JAKMIP1: variants seen among roughly 807,000 people sequenced by gnomAD.
The protein encoded by JAKMIP1 is janus kinase and microtubule-interacting protein 1.
In JAKMIP1, 33 loss-of-function variants were observed where a neutral mutation model predicts 113.0. The ratio of observed to expected loss-of-function variants is 0.29; its 90% CI spans 0.22 to 0.39. The LOEUF (loss-of-function observed/expected upper bound fraction) is 0.39. Ranked by LOEUF, JAKMIP1 falls within the 10% of genes least tolerant of loss-of-function variation. The probability of loss-of-function intolerance (pLI) is 1.00; values close to 1 mark genes in which losing one functional copy is unlikely to be tolerated. For synonymous variants in JAKMIP1, 480 were observed against 459.9 expected (o/e 1.04, Z -0.56); for missense variants, 813 against 1,080.5 (o/e 0.75, Z 3.47).
chr4:6,060,909 G>A (rs959957057), intron 10 of JAKMIP1, among the ~76,000 whole-genome samples: 3 of 152,190 alleles, frequency 2.0e-5, no homozygotes, highest in Non-Finnish European at 2.9e-5. Context: ...ACTTCAACAC[G>A]CTGGCACAAT....
rs557580343 is a variant in JAKMIP1 at position 6,061,159 on chromosome 4, G to C, written c.1561-652C>G. On this transcript the variant is annotated intron_variant, in intron 10 of 20. Transcript: ENST00000409021. The surrounding 1 kb of genome is among the most constrained non-coding windows in gnomAD (Gnocchi z 5.3). ...CCAGATGTTCTGACCTTTCAAGAGA[G>C]GTCAGGAACCTGGATTTCTCTATAG... is the stretch of plus-strand genomic sequence containing the variant. 6.6e-6 allele frequency among the ~76,000 whole-genome samples: 1 copy of C among 152,184 alleles called. No homozygotes were observed. Among genetic ancestry groups the C allele is most frequent in the African/African-American group, 2.4e-5 (1 of 41,454 alleles).
chr4:6,063,972 C>A (rs114390525), intron 9 of JAKMIP1, among the ~76,000 whole-genome samples: 1 of 152,218 alleles, frequency 6.6e-6, no homozygotes, highest in Admixed American at 6.5e-5. Flanking sequence ...CTGCCCCTGC[C>A]GGAGGGCACT....
At position 6,062,460 on chromosome 4, in the gene JAKMIP1, AAAC is replaced by A. The variant is rs1560127147; in HGVS notation, c.1432-23_1432-21del. 1 of 1,599,318 alleles carries A rather than the reference AAAC, an allele frequency of 6.3e-7. No homozygotes were observed. Among genetic ancestry groups the A allele is most frequent in the East Asian group, 2.2e-5 (1 of 44,532 alleles). ...TGTGGCCTTCACATAATGGAGAAGAAAACAAATAATCAAGTGCAAAATTACAAT... is the reference window on the plus strand; with the variant it reads ...TGTGGCCTTCACATAATGGAGAAGAAAAATAATCAAGTGCAAAATTACAAT... On this transcript the variant is annotated intron_variant, in intron 9 of 20. Transcript: ENST00000409021.
At chr4:6,087,768 G>T (rs1242636012) in intron 3 of JAKMIP1, among the ~76,000 whole-genome samples, 1 of 152,178 alleles carries the variant, frequency 6.6e-6, no homozygotes, top group African/African-American at 2.4e-5. Context: ...GCTCTCTGAG[G>T]CACCTTTCTT....
At chr4:6,130,308 T>C (rs953186545) in intron 1 of JAKMIP1, among the ~76,000 whole-genome samples, 2 of 152,226 alleles carry the variant, frequency 1.3e-5, no homozygotes, top group Non-Finnish European at 2.9e-5. Flanking sequence ...ATAAGGCAAG[T>C]TAAACAGAAT....
chr4:6,054,260 C>T lies in JAKMIP1; in HGVS notation c.1708-112G>A, dbSNP rs1056766466. The T allele has an allele frequency of 3.0e-5, 31 of 1,041,656 alleles. No individual in the cohort carries two copies. The East Asian group carries it at 6.9e-4, about 23-fold the overall frequency. The allele number at this position is 1,041,656 out of a possible 1,614,324, so 64.5% of individuals were successfully genotyped here. A position where few individuals can be genotyped will look rare whatever the true frequency, so the allele number is the denominator to read the frequency against. On this transcript the variant is annotated intron_variant, in intron 12 of 20. Transcript: ENST00000409021. ...GGAAACAGACGACTGGCCACGGAGG[C>T]AAGGGGCAGGAGAGGGCAGGGTTTG...
chr4:6,073,785 G>T (rs890902986), intron 8 of JAKMIP1, among the ~76,000 whole-genome samples: 1 of 152,180 alleles, frequency 6.6e-6, no homozygotes, highest in African/African-American at 2.4e-5. Context: ...CTCCCATACT[G>T]CTTGGGGCTA....
chr4:6,109,932 G>A lies in JAKMIP1; in HGVS notation c.129+2790C>T, dbSNP rs118067803. Among the ~76,000 whole-genome samples, 19 of 152,170 alleles carry A rather than the reference G, an allele frequency of 1.2e-4. No homozygotes were observed. In the East Asian group the frequency reaches 1.9e-3, roughly 16 times the overall value. Reference sequence around the variant, plus strand: ...CAGATGGGTAAAGTCAACCTGAAGCGGCCACATGGATGGCTGGATTGAGAA... The same window carrying A: ...CAGATGGGTAAAGTCAACCTGAAGCAGCCACATGGATGGCTGGATTGAGAA... On this transcript the variant is annotated intron_variant, in intron 2 of 20. Coordinates refer to ENST00000409021, the MANE Select transcript of JAKMIP1 (RefSeq NM_001099433.2).
In JAKMIP1 at chr4:6,090,189, T is replaced by C. The variant is rs530638376; in HGVS notation, c.625-4560A>G. ...GTGAGCCGAGGTCACGCCACTGCAC[T>C]CCAGCCTGGGTGACAGAGTGAGAGT... On this transcript the variant is annotated intron_variant, in intron 3 of 20. Transcript: ENST00000409021. Among the ~76,000 whole-genome samples, 147 of 151,224 alleles carry C rather than the reference T, an allele frequency of 9.7e-4. 1 individual carries two copies. Among genetic ancestry groups the C allele is most frequent in the African/African-American group, 3.3e-3 (136 of 41,070 alleles).
At chr4:6,171,743 G>A (rs1453209979) in intron 1 of JAKMIP1, among the ~76,000 whole-genome samples, 2 of 152,310 alleles carry the variant, frequency 1.3e-5, no homozygotes, top group East Asian at 3.9e-4. Flanking sequence ...GTAGGACTGT[G>A]CTTCTCTCAT....
chr4:6,068,091 C>T (rs567624859), intron 8 of JAKMIP1, among the ~76,000 whole-genome samples: 33 of 152,296 alleles, frequency 2.2e-4, no homozygotes, highest in African/African-American at 7.5e-4. Flanking sequence ...TTACCTAGGA[C>T]GATCCACTGT....
chr4:6,085,579 T>C lies in JAKMIP1; in HGVS notation c.675A>G (p.Glu225=), dbSNP rs200494521. ...GGGTCTGCCCAGCCTGCACGCCAAG[T>C]TCCTTCTCCAAGGCCAGAATCACAC... ...KDRVILALEK[E]LGVQAGQTQK... Residue 225 remains glutamate (E), a synonymous_variant, in exon 4 of 21, where the codon GAA becomes GAG. Transcript: ENST00000409021. 1,128 of 1,614,222 alleles carry C rather than the reference T, an allele frequency of 7.0e-4. 11 individuals are homozygous for C. In the South Asian group the frequency reaches 0.012, roughly 17 times the overall value.
In JAKMIP1 at chr4:6,050,153, C is replaced by T. The variant is rs958549546; in HGVS notation, c.1909-281G>A. 3.7e-4 allele frequency among the ~76,000 whole-genome samples: 56 copies of T among 152,150 alleles called. No individual in the cohort carries two copies. The highest frequency in any genetic ancestry group is 1.3e-3 in the African/African-American group (55 of 41,418). The stretch of plus-strand genomic sequence containing the variant: ...TGGAGCTGAGCAGGGCTCTAGGACA[C>T]GGTAAACCCCGGGCCCTTCTAGCAA... On this transcript the variant is annotated intron_variant, in intron 14 of 20. Coordinates refer to ENST00000409021, the MANE Select transcript of JAKMIP1 (RefSeq NM_001099433.2). This position sits in a 1 kb window ranked among gnomAD's most constrained non-coding sequence, Gnocchi z 7.4.
intron 5 of JAKMIP1, among the ~76,000 whole-genome samples, chr4:6,083,048 A>T (rs1479903073): frequency 6.6e-6 from 1 of 152,184 alleles, no homozygotes; most frequent in African/African-American, 2.4e-5. Context: ...GTTTTAAGGT[A>T]TTTATTTAAA....
At position 6,185,389 on chromosome 4, in the gene JAKMIP1, T is replaced by G. The variant is rs1726532936; in HGVS notation, c.-148+14864A>C. Among the ~76,000 whole-genome samples the G allele has an allele frequency of 6.6e-6, 1 of 152,180 alleles. No individual in the cohort carries two copies. Among genetic ancestry groups the G allele is most frequent in the Non-Finnish European group, 1.5e-5 (1 of 68,044 alleles). On this transcript the variant is annotated intron_variant, in intron 1 of 20. Coordinates refer to ENST00000409021, the MANE Select transcript of JAKMIP1 (RefSeq NM_001099433.2). This position sits in a 1 kb window ranked among gnomAD's most constrained non-coding sequence, Gnocchi z 5.3. ...GGGGCCGGGCACGGTGGCTCACGCC[T>G]GTAATCCCAGCACTTTGGGAGGCCG...
rs117839020 is a variant in JAKMIP1, at chr4:6,075,026, T to C, written c.1302+3913A>G. 1.7e-4 allele frequency among the ~76,000 whole-genome samples: 26 copies of C among 152,302 alleles called. 1 individual carries two copies. In the East Asian group the frequency reaches 5.0e-3, roughly 29 times the overall value. Reference sequence around the variant, plus strand: ...CATTTCTCAGAATGTGTCCCTGTTGTTAAGGAATGCATGACTCTAGTTTTA... The same window carrying C: ...CATTTCTCAGAATGTGTCCCTGTTGCTAAGGAATGCATGACTCTAGTTTTA... On this transcript the variant is annotated intron_variant, in intron 8 of 20. Transcript: ENST00000409021.
At chr4:6,102,885 C>T (rs1340319610) in intron 3 of JAKMIP1, among the ~76,000 whole-genome samples, 1 of 151,810 alleles carries the variant, frequency 6.6e-6, no homozygotes, top group African/African-American at 2.4e-5. Flanking sequence ...AGGCGCCCAC[C>T]ACTGCACCCC....
In JAKMIP1 at chr4:6,063,710, T is replaced by C. The variant is rs185189778; in HGVS notation, c.1431+1170A>G. Among the ~76,000 whole-genome samples, 43 of 152,308 alleles carry C rather than the reference T, an allele frequency of 2.8e-4. 1 individual carries two copies. The highest frequency in any genetic ancestry group is 9.9e-4 in the African/African-American group (41 of 41,570). On this transcript the variant is annotated intron_variant, in intron 9 of 20. Coordinates refer to ENST00000409021, the MANE Select transcript of JAKMIP1 (RefSeq NM_001099433.2). The stretch of plus-strand genomic sequence containing the variant: ...CTATAGCATGTGCCACATTTTCCTA[T>C]GGCAAATAGACCCATGGGAGGAAAC...
At chr4:6,166,761 C>G (rs1189393249) in intron 1 of JAKMIP1, among the ~76,000 whole-genome samples, 1 of 152,196 alleles carries the variant, frequency 6.6e-6, no homozygotes, top group African/African-American at 2.4e-5. Flanking sequence ...TGCAGGGGTG[C>G]TGCGCACTTT....
Sources: gnomAD v4.1 joint callset for allele counts (sites outside exome capture counted in the v4.1 genomes callset) on GRCh38, gnomAD v4.1.1 for gene constraint, Gnocchi (gnomAD v3.1) non-coding constraint, MANE v1.5 for transcripts, NCBI Gene and HGNC (gene_info 2026-07-23, HGNC 2026-07-21) for gene names.